Variants in ITSN1 observed in about 807,000 individuals in gnomAD.
The protein encoded by ITSN1 is intersectin-1.
ITSN1 carries 58 observed loss-of-function variants against 239.8 expected under a neutral mutation model. That is an observed-to-expected ratio of 0.24 (90% CI 0.20 to 0.30). The LOEUF (loss-of-function observed/expected upper bound fraction) is 0.30, where lower values mean the gene tolerates loss of function less well. Ranked by LOEUF, ITSN1 falls within the 10% of genes least tolerant of loss-of-function variation. The pLI is 1.00. For missense variants in ITSN1, 1,558 were observed against 2,103.3 expected, an observed-to-expected ratio of 0.74 and a Z score of 5.07; for synonymous variants, 780 against 770.8, an observed-to-expected ratio of 1.01 and a Z score of -0.20.
intron 33 of ITSN1, among the ~76,000 whole-genome samples, chr21:33,872,087 C>A (rs1045855170): frequency 3.9e-5 from 6 of 152,066 alleles, no homozygotes; most frequent in Non-Finnish European, 8.8e-5. Flanking sequence ...AAATACATAA[C>A]AAAACAAGAA....
rs143618788 is a variant in ITSN1 at position 33,718,607 on chromosome 21, T to C, written c.-32-190T>C. Reference sequence around the variant, plus strand: ...AATCCATGGGAGGTCTTGGAACCAGTGTTCCTGGGATAATGAGGGACAACT... The same window carrying C: ...AATCCATGGGAGGTCTTGGAACCAGCGTTCCTGGGATAATGAGGGACAACT... On this transcript the variant is annotated intron_variant, in intron 1 of 39. Transcript: ENST00000381318. Among the ~76,000 whole-genome samples the C allele has an allele frequency of 7.9e-3, 1,210 of 152,270 alleles. 59 individuals carry two copies. The highest frequency in any genetic ancestry group is 0.068 in the Admixed American group (1,038 of 15,290).
intron 1 of ITSN1, among the ~76,000 whole-genome samples, chr21:33,678,934 G>C (rs954749567): frequency 2.1e-4 from 32 of 152,314 alleles, no homozygotes; most frequent in African/African-American, 7.5e-4. Context: ...TTTTCTGTCA[G>C]TGTTCCATCT....
intron 1 of ITSN1, among the ~76,000 whole-genome samples, chr21:33,698,099 C>T (rs939681395): frequency 3.9e-5 from 6 of 152,150 alleles, no homozygotes; most frequent in South Asian, 4.1e-4. Context: ...CTGATGAATT[C>T]TCTCTTCCTG....
chr21:33,878,199 G>T (rs1354651190), intron 34 of ITSN1, among the ~76,000 whole-genome samples: 1 of 151,900 alleles, frequency 6.6e-6, no homozygotes, highest in East Asian at 1.9e-4. Flanking sequence ...CCCAGCTAAT[G>T]ATTCTATTTT....
In ITSN1 at chr21:33,668,474, C is replaced by T. The variant is rs116648059; in HGVS notation, c.-33+25761C>T. Among the ~76,000 whole-genome samples, 321 of 152,250 alleles carry T rather than the reference C, an allele frequency of 2.1e-3. 2 individuals are homozygous for T. Among genetic ancestry groups the T allele is most frequent in the African/African-American group, 7.4e-3 (309 of 41,542 alleles). On this transcript the variant is annotated intron_variant, in intron 1 of 39. Coordinates refer to ENST00000381318, the MANE Select transcript of ITSN1 (RefSeq NM_003024.3). Reference sequence around the variant, plus strand: ...CTGCACTGGGGCTGAAGGACATCCCCGCCTACTTCCCTTTTGCTCTTCTTA... The same window carrying T: ...CTGCACTGGGGCTGAAGGACATCCCTGCCTACTTCCCTTTTGCTCTTCTTA...
Position 33,818,511 on chromosome 21 carries a change from A to G in ITSN1, c.2933+39A>G, listed in dbSNP as rs201392335. 1.9e-5 allele frequency: 29 copies of G among 1,514,506 alleles called. No individual in the cohort carries two copies. In the East Asian group the frequency reaches 4.3e-4, roughly 22 times the overall value. 93.8% of individuals were successfully genotyped at this position (1,514,506 alleles called of 1,614,324 possible). ...TATCTGCTTGTATTTGATGAAAACA[A>G]TATTAGGCGTTATATTACTGTTTGC... On this transcript the variant is annotated intron_variant, in intron 23 of 39. Transcript: ENST00000381318.
intron 21 of ITSN1, among the ~76,000 whole-genome samples, chr21:33,812,484 C>T (rs968009349): frequency 2.6e-5 from 4 of 152,080 alleles, no homozygotes; most frequent in Non-Finnish European, 5.9e-5. Context: ...ACATGTTTAT[C>T]TAAAATTATT....
rs148669615 is a variant in ITSN1 at position 33,704,827 on chromosome 21, A to G, written c.-32-13970A>G. On this transcript the variant is annotated intron_variant, in intron 1 of 39. Transcript: ENST00000381318. ...ATCTTGGCCGGGCGCGGTGGCTCACACCTGTAATCCCAGCACTTTGGGAGG... is the reference window on the plus strand; with the variant it reads ...ATCTTGGCCGGGCGCGGTGGCTCACGCCTGTAATCCCAGCACTTTGGGAGG... Among the ~76,000 whole-genome samples the G allele has an allele frequency of 4.8e-3, 720 of 150,966 alleles. 3 individuals are homozygous for G. The highest frequency in any genetic ancestry group is 0.016 in the African/African-American group (665 of 41,094).
At chr21:33,686,142 A>G (rs2091223467) in intron 1 of ITSN1, among the ~76,000 whole-genome samples, 1 of 152,214 alleles carries the variant, frequency 6.6e-6, no homozygotes, top group African/African-American at 2.4e-5. Flanking sequence ...TGAATGGGAA[A>G]TATGTGTCTA....
chr21:33,727,908 A>C (rs1453408559), intron 4 of ITSN1, among the ~76,000 whole-genome samples: 1 of 151,332 alleles, frequency 6.6e-6, no homozygotes, highest in Non-Finnish European at 1.5e-5. Context: ...GAGCATCTGG[A>C]CTGGGTTCTC....
intron 1 of ITSN1, among the ~76,000 whole-genome samples, chr21:33,657,166 C>T: frequency 6.6e-6 from 1 of 152,208 alleles, no homozygotes; most frequent in East Asian, 1.9e-4. Context: ...GGTAGGTTTT[C>T]AACCCCTGCC....
chr21:33,764,834 C>CTTGG lies in ITSN1; in HGVS notation c.789-1040_789-1037dup, dbSNP rs569388418. Among the ~76,000 whole-genome samples the CTTGG allele has an allele frequency of 4.9e-3, 746 of 152,316 alleles. 4 individuals are homozygous for CTTGG. Among genetic ancestry groups the CTTGG allele is most frequent in the African/African-American group, 0.017 (703 of 41,568 alleles). ...AGAAATTGTTTAGTAAAATCACATT[C>CTTGG]TTGGACTTGCCAGGAGAATGTTTGC... On this transcript the variant is annotated intron_variant, in intron 9 of 39. Coordinates refer to ENST00000381318, the MANE Select transcript of ITSN1 (RefSeq NM_003024.3).
intron 27 of ITSN1, among the ~76,000 whole-genome samples, chr21:33,830,734 T>C (rs1399356558): frequency 6.6e-6 from 1 of 152,188 alleles, no homozygotes; most frequent in East Asian, 1.9e-4. Flanking sequence ...TTAGACAAAA[T>C]TACTGTACCA....
intron 31 of ITSN1, among the ~76,000 whole-genome samples, chr21:33,863,228 T>C (rs1310279423): frequency 6.6e-6 from 1 of 152,234 alleles, no homozygotes; most frequent in Non-Finnish European, 1.5e-5. Context: ...GCCTGTCTGC[T>C]GGTTGGGTAA....
chr21:33,832,055 G>A (rs1289293172), intron 27 of ITSN1, among the ~76,000 whole-genome samples: 1 of 152,154 alleles, frequency 6.6e-6, no homozygotes, highest in Non-Finnish European at 1.5e-5. Context: ...GCCTGCCAGG[G>A]GAAGGCTTCC....
intron 25 of ITSN1, among the ~76,000 whole-genome samples, chr21:33,823,882 G>A (rs1307733963): frequency 1.3e-5 from 2 of 152,152 alleles, no homozygotes; most frequent in African/African-American, 2.4e-5. Flanking sequence ...GAGTGTGATG[G>A]GGCTGGTCCG....
At chr21:33,832,255 G>C (rs2074338359) in intron 27 of ITSN1, among the ~76,000 whole-genome samples, 1 of 152,168 alleles carries the variant, frequency 6.6e-6, no homozygotes, top group Non-Finnish European at 1.5e-5. Flanking sequence ...CCCACTTCTG[G>C]AAGCTCTCTG....
At chr21:33,677,144 C>G (rs547630954) in intron 1 of ITSN1, among the ~76,000 whole-genome samples, 16 of 151,812 alleles carry the variant, frequency 1.1e-4, no homozygotes, top group African/African-American at 3.6e-4. Context: ...TACCCTAGAA[C>G]TTAAAGTATA....
intron 4 of ITSN1, among the ~76,000 whole-genome samples, chr21:33,727,848 T>C (rs970573652): frequency 6.6e-6 from 1 of 152,122 alleles, no homozygotes; most frequent in Admixed American, 6.6e-5. Flanking sequence ...TGGCCACTTC[T>C]TTCCTACTGC....
Sources: allele counts gnomAD v4.1 joint callset (sites outside exome capture counted in the v4.1 genomes callset), GRCh38; gene constraint gnomAD v4.1.1; transcripts MANE v1.5; gene names NCBI Gene and HGNC (gene_info 2026-07-23, HGNC 2026-07-21).